The following HSD17B11 variants were observed in gnomAD, a reference collection of about 807,000 sequenced individuals.
HSD17B11 encodes the protein estradiol 17-beta-dehydrogenase 11.
Under a neutral mutation model 27.8 loss-of-function variants are expected in HSD17B11, and 22 were observed. That is an observed-to-expected ratio of 0.79 (90% CI 0.56 to 1.13). The LOEUF (loss-of-function observed/expected upper bound fraction) is 1.13. Ranked by LOEUF, HSD17B11 falls within the 50% of genes most tolerant of loss-of-function variation. The probability of loss-of-function intolerance (pLI) is 0.00; values close to 1 mark genes in which losing one functional copy is unlikely to be tolerated. For synonymous variants in HSD17B11, 117 were observed against 132.8 expected (o/e 0.88, Z 0.82); for missense variants, 314 against 351.1 (o/e 0.89, Z 0.84).
rs1390383197 is a variant in HSD17B11, at chr4:87,336,967, G to A, written c.*309C>T. The stretch of plus-strand genomic sequence containing the variant: ...AAATATATGTTAAATAAACGGTTAT[G>A]GTACAAATTTTGCAAAGCCTTCAGG... On this transcript the variant is annotated 3_prime_UTR_variant, in exon 7 of 7. Coordinates refer to ENST00000358290, the MANE Select transcript of HSD17B11 (RefSeq NM_016245.5). 4.0e-6 allele frequency: 1 copy of A among 248,776 alleles called. No individual in the cohort carries two copies. The highest frequency in any genetic ancestry group is 7.5e-6 in the Non-Finnish European group (1 of 132,538). 15.4% of individuals were successfully genotyped at this position (248,776 alleles called of 1,614,324 possible).
chr4:87,337,619 A>C (rs1735077317), intron 6 of HSD17B11, among the ~76,000 whole-genome samples: 1 of 152,184 alleles, frequency 6.6e-6, no homozygotes, highest in Non-Finnish European at 1.5e-5. Flanking sequence ...AAAAGATCTG[A>C]GGGAGGAGGT....
At chr4:87,361,256 C>T (rs1735506897) in intron 4 of HSD17B11, among the ~76,000 whole-genome samples, 3 of 152,176 alleles carry the variant, frequency 2.0e-5, no homozygotes, top group Admixed American at 6.5e-5. Flanking sequence ...GACCTCTGGT[C>T]GTCCTCACTG....
intron 4 of HSD17B11, among the ~76,000 whole-genome samples, chr4:87,358,584 ATTAACT>A (rs1250092618): frequency 1.3e-5 from 2 of 152,204 alleles, no homozygotes; most frequent in African/African-American, 4.8e-5. Context: ...TTGATATATA[ATTAACT>A]TAAAAGTTGT....
intron 5 of HSD17B11, among the ~76,000 whole-genome samples, chr4:87,354,058 C>T (rs189380718): frequency 1.7e-4 from 26 of 152,210 alleles, no homozygotes; most frequent in African/African-American, 5.3e-4. Context: ...AAAATATACA[C>T]TCTTACTTTT....
chr4:87,369,929 AC>A (rs1365935076), intron 4 of HSD17B11, among the ~76,000 whole-genome samples: 9 of 152,232 alleles, frequency 5.9e-5, no homozygotes, highest in African/African-American at 2.2e-4. Flanking sequence ...GCAGCAAAAA[AC>A]ATTTTAGAAT....
intron 4 of HSD17B11, 140 bp downstream of exon 4, chr4:87,372,566 CTTA>C: frequency 1.7e-6 from 1 of 592,094 alleles, no homozygotes; most frequent in Non-Finnish European, 3.0e-6. Context: ...ACTCTTTCTG[CTTA>C]TTTTTTGACA....
At chr4:87,381,760 CAAA>C (rs33982875) in intron 2 of HSD17B11, among the ~76,000 whole-genome samples, 155 of 132,716 alleles carry the variant, frequency 1.2e-3, no homozygotes, top group Middle Eastern at 3.9e-3. Flanking sequence ...CCCCCCATCT[CAAA>C]AAAAAAAAAA....
At chr4:87,354,862 T>G (rs1337315439) in intron 5 of HSD17B11, among the ~76,000 whole-genome samples, 1 of 149,002 alleles carries the variant, frequency 6.7e-6, no homozygotes, top group Admixed American at 6.8e-5. Flanking sequence ...CTTATAATCT[T>G]GGCACTTTGG....
chr4:87,378,830 A>AT, intron 2 of HSD17B11, among the ~76,000 whole-genome samples: 1 of 30,040 alleles, frequency 3.3e-5, no homozygotes, highest in Admixed American at 4.7e-4. Flanking sequence ...ATATATATAT[A>AT]AATATATATA....
chr4:87,365,060 G>T (rs1191545614), intron 4 of HSD17B11, among the ~76,000 whole-genome samples: 1 of 152,098 alleles, frequency 6.6e-6, no homozygotes, highest in African/African-American at 2.4e-5. Flanking sequence ...TCCCAGCTAC[G>T]CGGGAGGCTG....
chr4:87,382,864 T>C (rs1484734071), intron 1 of HSD17B11, among the ~76,000 whole-genome samples: 2 of 152,172 alleles, frequency 1.3e-5, no homozygotes, highest in Non-Finnish European at 2.9e-5. Context: ...ATGAATGAGG[T>C]AGAGTCCCGA....
chr4:87,374,569 T>C, intron 3 of HSD17B11, 130 bp downstream of exon 3: 1 of 765,218 alleles, frequency 1.3e-6, no homozygotes, highest in Non-Finnish European at 2.1e-6. Flanking sequence ...GATCTCTTTG[T>C]ATAATGTTAT....
intron 5 of HSD17B11, among the ~76,000 whole-genome samples, chr4:87,345,956 T>TA (rs1735264129): frequency 6.6e-6 from 1 of 152,168 alleles, no homozygotes; most frequent in Non-Finnish European, 1.5e-5. Flanking sequence ...AGTCCCGAAT[T>TA]ACCCCGATAC....
intron 4 of HSD17B11, among the ~76,000 whole-genome samples, chr4:87,369,893 A>C (rs1173810237): frequency 1.3e-5 from 2 of 152,232 alleles, no homozygotes; most frequent in Non-Finnish European, 2.9e-5. Flanking sequence ...AAAAATCAAA[A>C]TACTTGTGAA....
intron 6 of HSD17B11, among the ~76,000 whole-genome samples, chr4:87,338,042 C>G (rs1297982022): frequency 6.6e-6 from 1 of 152,146 alleles, no homozygotes; most frequent in Admixed American, 6.5e-5. Context: ...ACGGTGAAAC[C>G]CTGTCTCTAC....
chr4:87,386,026 T>C (rs1720305768), intron 1 of HSD17B11: 1 of 152,128 alleles, frequency 6.6e-6, no homozygotes, highest in Non-Finnish European at 1.5e-5. Context: ...ATTTATTCTG[T>C]TTTCAGAGAT....
chr4:87,372,623 TAAAG>T, intron 4 of HSD17B11, 82 bp downstream of exon 4: 2 of 814,302 alleles, frequency 2.5e-6, no homozygotes, highest in Middle Eastern at 2.3e-4. Flanking sequence ...CTTATGATTA[TAAAG>T]AGAGTTCTTA....
chr4:87,386,280 G>T (rs1334932754), intron 1 of HSD17B11, among the ~76,000 whole-genome samples: 1 of 150,934 alleles, frequency 6.6e-6, no homozygotes, highest in Non-Finnish European at 1.5e-5. Flanking sequence ...TTAGCTCACT[G>T]TAGCCTCTGC....
intron 5 of HSD17B11, among the ~76,000 whole-genome samples, chr4:87,343,092 T>C (rs1735200206): frequency 6.6e-6 from 1 of 152,220 alleles, no homozygotes; most frequent in South Asian, 2.1e-4. Flanking sequence ...CTTGCTAACC[T>C]ACCTATCAAG....
Sources: allele counts gnomAD v4.1 joint callset (sites outside exome capture counted in the v4.1 genomes callset), GRCh38; gene constraint gnomAD v4.1.1; transcripts MANE v1.5; gene names NCBI Gene and HGNC (gene_info 2026-07-23, HGNC 2026-07-21).